The following AKAP13 variants were observed in gnomAD, a reference collection of about 807,000 sequenced individuals.
AKAP13 encodes A-kinase anchoring protein 13.
In AKAP13, 80 loss-of-function variants were observed where a neutral mutation model predicts 264.5. The observed-to-expected ratio is 0.30, with a 90% CI of 0.25 to 0.36. The LOEUF (loss-of-function observed/expected upper bound fraction) is 0.36. Ranked by LOEUF, AKAP13 falls within the 10% of genes least tolerant of loss-of-function variation. The pLI is 1.00. For synonymous variants in AKAP13, 1,380 were observed against 1,250.2 expected, an observed-to-expected ratio of 1.10 and a Z score of -2.19; for missense variants, 3,712 against 3,435.2, an observed-to-expected ratio of 1.08 and a Z score of -2.01.
Position 85,734,988 on chromosome 15 carries a change from C to G in AKAP13, c.7283-4C>G. On this transcript the variant is annotated splice_polypyrimidine_tract_variant and splice_region_variant and intron_variant, in intron 30 of 36. Coordinates refer to ENST00000394518, the MANE Select transcript of AKAP13 (RefSeq NM_007200.5). Reference sequence around the variant, plus strand: ...GTCAGCTTTGCATGTTTCCTTTATTCCAGTGGAGATCCTTCAGGGTTTGGT... The same window carrying G: ...GTCAGCTTTGCATGTTTCCTTTATTGCAGTGGAGATCCTTCAGGGTTTGGT... The G allele has an allele frequency of 1.2e-6, 2 of 1,612,688 alleles. No individual in the cohort carries two copies. Among genetic ancestry groups the G allele is most frequent in the Non-Finnish European group, 1.7e-6 (2 of 1,179,522 alleles).
At position 85,641,465 on chromosome 15, in the gene AKAP13, TAAA is replaced by T. The variant is rs1313085644; in HGVS notation, c.4237+2017_4237+2019del. Among the ~76,000 whole-genome samples, 10 of 54,128 alleles carry T rather than the reference TAAA, an allele frequency of 1.8e-4. 1 individual carries two copies. Among genetic ancestry groups the T allele is most frequent in the African/African-American group, 5.0e-4 (10 of 20,078 alleles). The allele number at this position is 54,128 out of a possible 152,430, so 35.5% of individuals were successfully genotyped here. ...CATCTCAAATAAATAAATAAATAAA[TAAA>T]TAAATAAATAAATAAATAAATAAAT... is the stretch of plus-strand genomic sequence containing the variant. On this transcript the variant is annotated intron_variant, in intron 9 of 36. Transcript: ENST00000394518.
chr15:85,613,715 A>ATAT lies in AKAP13; in HGVS notation c.4162-25659_4162-25658insTAT, dbSNP rs1421387238. Among the ~76,000 whole-genome samples, 732 of 76,918 alleles carry ATAT rather than the reference A, an allele frequency of 9.5e-3. 25 individuals are homozygous for ATAT. The highest frequency in any genetic ancestry group is 0.029 in the African/African-American group (658 of 22,768). The allele number at this position is 76,918 out of a possible 152,430, so 50.5% of individuals were successfully genotyped here. A position where few individuals can be genotyped will look rare whatever the true frequency, so the allele number is the denominator to read the frequency against. On this transcript the variant is annotated intron_variant, in intron 8 of 36. Transcript: ENST00000394518. ...AAATATATATATATATATATATATT[A>ATAT]GGAGTGCTGATTGATGGACAGATGT...
intron 17 of AKAP13, among the ~76,000 whole-genome samples, chr15:85,703,562 C>T (rs144786455): frequency 7.0e-4 from 107 of 152,320 alleles, no homozygotes; most frequent in Non-Finnish European, 1.3e-3. Context: ...TATTTATTGG[C>T]CAGGTGCCGT....
At chr15:85,563,468 A>T (rs752207214) in intron 5 of AKAP13, among the ~76,000 whole-genome samples, 2 of 149,932 alleles carry the variant, frequency 1.3e-5, no homozygotes, top group Non-Finnish European at 3.0e-5. Flanking sequence ...GGAACTTTTT[A>T]TCAGAGAATG....
At chr15:85,556,932 A>C (rs1439001824) in intron 5 of AKAP13, among the ~76,000 whole-genome samples, 4 of 152,244 alleles carry the variant, frequency 2.6e-5, no homozygotes, top group Non-Finnish European at 5.9e-5. Context: ...TTTAGAATAC[A>C]TACAGAGTAA....
intron 19 of AKAP13, among the ~76,000 whole-genome samples, chr15:85,712,073 G>T (rs1200301017): frequency 6.6e-6 from 1 of 152,114 alleles, no homozygotes; most frequent in Non-Finnish European, 1.5e-5. Context: ...GCCTCAAGCA[G>T]TCCTCATGCC....
chr15:85,644,592 G>A (rs1003923379), intron 9 of AKAP13, among the ~76,000 whole-genome samples: 1 of 145,028 alleles, frequency 6.9e-6, no homozygotes, highest in Non-Finnish European at 1.5e-5. Flanking sequence ...GCTCACACCT[G>A]TAATCCCAGC....
intron 1 of AKAP13, among the ~76,000 whole-genome samples, chr15:85,399,539 T>A (rs796733263): frequency 0.035 from 3,053 of 87,162 alleles, 122 homozygotes; most frequent in Non-Finnish European, 0.055. Flanking sequence ...AATAAAAAAA[T>A]AAATAAATAA....
At chr15:85,510,440 A>G (rs2151118919) in intron 2 of AKAP13, among the ~76,000 whole-genome samples, 1 of 152,340 alleles carries the variant, frequency 6.6e-6, no homozygotes, top group South Asian at 2.1e-4. Context: ...GCTAGTATAC[A>G]ATTATTGAAG....
intron 1 of AKAP13, among the ~76,000 whole-genome samples, chr15:85,384,382 G>T (rs1415780326): frequency 6.6e-6 from 1 of 152,202 alleles, no homozygotes; most frequent in Non-Finnish European, 1.5e-5. Flanking sequence ...CTGTCTTACT[G>T]CTGTAAATGG....
chr15:85,675,490 T>TTTA (rs749911059), intron 14 of AKAP13, among the ~76,000 whole-genome samples: 2 of 152,208 alleles, frequency 1.3e-5, no homozygotes, highest in Non-Finnish European at 2.9e-5. Context: ...GGGAAGTTCA[T>TTTA]TTATTAATGT....
intron 23 of AKAP13, among the ~76,000 whole-genome samples, chr15:85,720,362 C>T (rs1448538610): frequency 2.0e-5 from 3 of 151,964 alleles, no homozygotes; most frequent in East Asian, 3.9e-4. Context: ...AGCTGAAGCA[C>T]AGAAAGTTGA....
intron 8 of AKAP13, among the ~76,000 whole-genome samples, chr15:85,611,837 A>T (rs1056984495): frequency 1.3e-5 from 2 of 152,042 alleles, no homozygotes; most frequent in Non-Finnish European, 2.9e-5. Flanking sequence ...ACGTAGACAC[A>T]GGTCAGTCTC....
In AKAP13 at chr15:85,579,417, T is replaced by C. The variant is rs760053210; in HGVS notation, c.1349T>C (p.Leu450Ser). 4.2e-5 allele frequency: 68 copies of C among 1,614,014 alleles called. No homozygotes were observed. Among genetic ancestry groups the C allele is most frequent in the Admixed American group, 1.3e-4 (8 of 60,004 alleles). Reference protein sequence around the residue: ...SSGDAVLQRDLVMEPGTAQYS... With the variant: ...SSGDAVLQRDSVMEPGTAQYS... ...GGAGATGCTGTGCTTCAGAGAGACT[T>C]GGTCATGGAGCCAGGCACAGCCCAG... Residue 450 changes from leucine (L) to serine (S), a missense_variant, in exon 7 of 37, where the codon TTG becomes TCG. Coordinates refer to ENST00000394518, the MANE Select transcript of AKAP13 (RefSeq NM_007200.5).
chr15:85,415,442 G>T (rs35451550), intron 1 of AKAP13: 513,236 of 1,600,694 alleles, frequency 0.32, 91,076 homozygotes, highest in Non-Finnish European at 0.37. Context: ...TGGGAGAGAA[G>T]TTTGAAGAAA....
At chr15:85,648,493 T>C (rs2082659940) in intron 10 of AKAP13, among the ~76,000 whole-genome samples, 1 of 152,200 alleles carries the variant, frequency 6.6e-6, no homozygotes, top group South Asian at 2.1e-4. Context: ...ATTGCTCATA[T>C]AAATGGCCTG....
intron 1 of AKAP13, among the ~76,000 whole-genome samples, chr15:85,484,072 G>C (rs1434856738): frequency 6.6e-6 from 1 of 151,982 alleles, no homozygotes; most frequent in East Asian, 1.9e-4. Flanking sequence ...AAGGTAGATT[G>C]GTCCATAAAT....
intron 5 of AKAP13, among the ~76,000 whole-genome samples, chr15:85,568,130 G>A (rs117136661): frequency 0.012 from 1,895 of 152,052 alleles, 46 homozygotes; most frequent in South Asian, 0.11. Flanking sequence ...ACAAAACCGT[G>A]TCTCTAGGAA....
chr15:85,661,437 AG>A (rs1165928464), intron 12 of AKAP13, among the ~76,000 whole-genome samples: 3 of 152,122 alleles, frequency 2.0e-5, no homozygotes, highest in Non-Finnish European at 4.4e-5. Context: ...TTTTATTATC[AG>A]CCAGGTGCGG....
Sources: gnomAD v4.1 joint callset for allele counts (sites outside exome capture counted in the v4.1 genomes callset) on GRCh38, gnomAD v4.1.1 for gene constraint, MANE v1.5 for transcripts, NCBI Gene and HGNC (gene_info 2026-07-23, HGNC 2026-07-21) for gene names.